The following PTGER4 variants were observed in gnomAD, a reference collection of about 807,000 sequenced individuals.
PTGER4 encodes prostaglandin E2 receptor EP4 subtype.
PTGER4 carries 11 observed loss-of-function variants against 33.2 expected under a neutral mutation model. The observed-to-expected ratio is 0.33, with a 90% CI of 0.21 to 0.55. PTGER4 has a LOEUF of 0.55. Ranked by LOEUF, PTGER4 falls within the 20% of genes least tolerant of loss-of-function variation. The pLI is 0.92. For missense variants in PTGER4, 481 were observed against 650.2 expected (o/e 0.74, Z 2.83); for synonymous variants, 275 against 281.5 (o/e 0.98, Z 0.23).
rs1340040183 is a variant in PTGER4 at position 40,681,589 on chromosome 5, C to T, written c.596C>T (p.Thr199Ile). ...AGFSSFLILA[T>I]VLCNVLVCGA... ...TTCAGCTCCTTCCTCATTCTCGCCA[C>T]CGTCCTCTGCAACGTGCTTGTGTGC... The change falls in exon 2 of 3, where the codon ACC (threonine) becomes ATC (isoleucine). Residue 199 changes from threonine to isoleucine, a missense_variant. Coordinates refer to ENST00000302472, the MANE Select transcript of PTGER4 (RefSeq NM_000958.3). This position sits in a 1 kb window ranked among gnomAD's most constrained non-coding sequence, Gnocchi z 9.8. The T allele has an allele frequency of 6.2e-7, 1 of 1,609,174 alleles. No homozygotes were observed. Among genetic ancestry groups the T allele is most frequent in the Non-Finnish European group, 8.5e-7 (1 of 1,180,012 alleles).
chr5:40,729,182 A>G, the PTGER4 span, among the ~76,000 whole-genome samples: 2 of 152,230 alleles, frequency 1.3e-5, no homozygotes, highest in Non-Finnish European at 2.9e-5. Context: ...ATACATATTT[A>G]AGATTGAAAA....
chr5:40,714,769 T>TA, the PTGER4 span: 3 of 152,340 alleles, frequency 2.0e-5, no homozygotes, highest in Middle Eastern at 3.4e-3. Context: ...ACAAAAGTTT[T>TA]AAAAACCATC....
chr5:40,704,147 G>C, the PTGER4 span, among the ~76,000 whole-genome samples: 1 of 152,096 alleles, frequency 6.6e-6, no homozygotes, highest in Non-Finnish European at 1.5e-5. Flanking sequence ...CTATGATCAA[G>C]TAGGCTTCAC....
At chr5:40,697,252 A>AAGAAAGAAAGAAAG (rs1741629161), downstream of PTGER4, among the ~76,000 whole-genome samples, 1 of 88,872 alleles carries the variant, frequency 1.1e-5, no homozygotes, top group Non-Finnish European at 2.7e-5. Flanking sequence ...GAAAGAAAGA[A>AAGAAAGAAAGAAAG]AGAAAGAAAG....
chr5:40,711,520 A>T, the PTGER4 span, among the ~76,000 whole-genome samples: 1 of 152,144 alleles, frequency 6.6e-6, no homozygotes, highest in Non-Finnish European at 1.5e-5. Flanking sequence ...AGACTCAGCA[A>T]TTCCATCCCT....
Position 40,681,829 on chromosome 5 carries a change from TG to T in PTGER4, c.838del (p.Val280TrpfsTer41). The T allele has an allele frequency of 6.4e-7, 1 of 1,571,458 alleles. No individual in the cohort carries two copies. The highest frequency in any genetic ancestry group is 1.8e-5 in the Admixed American group (1 of 54,092). On this transcript the variant is annotated frameshift_variant, in exon 2 of 3. Coordinates refer to ENST00000302472, the MANE Select transcript of PTGER4 (RefSeq NM_000958.3). LOFTEE classifies it high-confidence loss of function. The surrounding 1 kb of genome is among the most constrained non-coding windows in gnomAD (Gnocchi z 9.8). ...QMVILLIATS[L>X]VVLICSIPLV... is the part of the protein sequence containing the mutation. ...GTCATCTTACTCATTGCCACCTCCCTGGTGGTGCTCATCTGCTCCATCCCGC... is the reference window on the plus strand; with the variant it reads ...GTCATCTTACTCATTGCCACCTCCCTGTGGTGCTCATCTGCTCCATCCCGC...
At chr5:40,722,341 T>C in the PTGER4 span, among the ~76,000 whole-genome samples, 1 of 152,092 alleles carries the variant, frequency 6.6e-6, no homozygotes, top group Non-Finnish European at 1.5e-5. Flanking sequence ...GTCTAGGAAG[T>C]GAGGAGCGTC....
At chr5:40,699,431 T>G in the PTGER4 span, among the ~76,000 whole-genome samples, 1 of 152,126 alleles carries the variant, frequency 6.6e-6, no homozygotes, top group African/African-American at 2.4e-5. Flanking sequence ...TTAAACATTA[T>G]AGAAAGACAT....
At position 40,681,510 on chromosome 5, in the gene PTGER4, GACTGGACC is replaced by G. The variant is rs1690208431; in HGVS notation, c.520_527del (p.Trp174GlnfsTer132). The G allele has an allele frequency of 6.2e-7, 1 of 1,613,122 alleles. No individual in the cohort carries two copies. Among genetic ancestry groups the G allele is most frequent in the South Asian group, 1.1e-5 (1 of 91,076 alleles). On this transcript the variant is annotated frameshift_variant, in exon 2 of 3. Transcript: ENST00000302472. LOFTEE classifies it high-confidence loss of function. The surrounding 1 kb of genome is among the most constrained non-coding windows in gnomAD (Gnocchi z 9.8). ...GTACCCAGACACCTGGTGCTTCATCGACTGGACCACCAACGTGACGGCGCACGCCGCCT... is the reference window on the plus strand; with the variant it reads ...GTACCCAGACACCTGGTGCTTCATCGACCAACGTGACGGCGCACGCCGCCT...
chr5:40,695,889 G>C (rs1741576529), downstream of PTGER4, among the ~76,000 whole-genome samples: 1 of 152,118 alleles, frequency 6.6e-6, no homozygotes, highest in Non-Finnish European at 1.5e-5. Context: ...GGTACACATG[G>C]TCATAAAGAT....
At chr5:40,697,819 TATACTC>T (rs1741649218), downstream of PTGER4, among the ~76,000 whole-genome samples, 2 of 151,496 alleles carry the variant, frequency 1.3e-5, no homozygotes, top group Non-Finnish European at 2.9e-5. Context: ...GTGTAATAAG[TATACTC>T]ATATCAAATA....
the PTGER4 span, among the ~76,000 whole-genome samples, chr5:40,718,380 T>C: frequency 1.3e-5 from 2 of 151,838 alleles, no homozygotes; most frequent in Non-Finnish European, 2.9e-5. Flanking sequence ...CACTCCAGCC[T>C]GGATGAGAGA....
At chr5:40,713,376 A>C in the PTGER4 span, among the ~76,000 whole-genome samples, 2 of 152,202 alleles carry the variant, frequency 1.3e-5, no homozygotes, top group Non-Finnish European at 2.9e-5. Context: ...GTTCAGTTAT[A>C]ATCTTAAAAA....
chr5:40,721,454 C>T, the PTGER4 span, among the ~76,000 whole-genome samples: 1 of 152,134 alleles, frequency 6.6e-6, no homozygotes, highest in Non-Finnish European at 1.5e-5. Flanking sequence ...TAAATCCACA[C>T]CCAACATGGT....
the PTGER4 span, among the ~76,000 whole-genome samples, chr5:40,708,884 A>C: frequency 6.6e-6 from 1 of 152,196 alleles, no homozygotes; most frequent in Non-Finnish European, 1.5e-5. Context: ...CAACATATGC[A>C]AATCAATAAA....
At chr5:40,715,421 T>C in the PTGER4 span, 3 of 152,284 alleles carry the variant, frequency 2.0e-5, no homozygotes, top group Non-Finnish European at 4.4e-5. Flanking sequence ...TCATTTGTGG[T>C]AAGGATTACT....
chr5:40,702,795 C>T, the PTGER4 span, among the ~76,000 whole-genome samples: 2 of 152,150 alleles, frequency 1.3e-5, no homozygotes, highest in East Asian at 1.9e-4. Context: ...TCTAAAAGAA[C>T]CAAAGTCATA....
chr5:40,681,962 CGT>C lies in PTGER4; in HGVS notation c.867+105_867+106del. 7.3e-7 allele frequency: 1 copy of C among 1,367,938 alleles called. No homozygotes were observed. Among genetic ancestry groups the C allele is most frequent in the Non-Finnish European group, 9.7e-7 (1 of 1,036,204 alleles). 84.7% of individuals were successfully genotyped at this position (1,367,938 alleles called of 1,614,324 possible). The stretch of plus-strand genomic sequence containing the variant: ...TTCCCTCTGAGTCCTTGGCAGTGAA[CGT>C]GTCGCCTTTAGGTCGGGGCTGGGAT... On this transcript the variant is annotated intron_variant, in intron 2 of 2. Transcript: ENST00000302472. This position sits in a 1 kb window ranked among gnomAD's most constrained non-coding sequence, Gnocchi z 9.8.
intron 2 of PTGER4, among the ~76,000 whole-genome samples, chr5:40,688,856 TGTTCATTCTA>T (rs1012527718): frequency 3.9e-5 from 6 of 152,382 alleles, no homozygotes; most frequent in African/African-American, 1.4e-4. Flanking sequence ...TACACACTGC[TGTTCATTCTA>T]GTTCATTCTT....
Sources: gnomAD v4.1 joint callset for allele counts (sites outside exome capture counted in the v4.1 genomes callset) on GRCh38, gnomAD v4.1.1 for gene constraint, Gnocchi (gnomAD v3.1) non-coding constraint, MANE v1.5 for transcripts, NCBI Gene and HGNC (gene_info 2026-07-23, HGNC 2026-07-21) for gene names.